GCHFR: variants seen among roughly 807,000 people sequenced by gnomAD.
The protein encoded by GCHFR is GTP cyclohydrolase I feedback regulator.
In GCHFR, 12 loss-of-function variants were observed where a neutral mutation model predicts 10.6. The ratio of observed to expected loss-of-function variants is 1.13; its 90% CI spans 0.72 to 1.83. The LOEUF is 1.83. GCHFR is among the 40% of genes most tolerant of loss of function. GCHFR has a pLI of 0.00. For missense variants in GCHFR, 116 were observed against 110.6 expected (o/e 1.05, Z -0.22); for synonymous variants, 54 against 43.7 (o/e 1.24, Z -0.93).
Position 40,765,829 on chromosome 15 carries a change from G to A in GCHFR, c.39G>A (p.Glu13=). ...AGCCACTGTGGCTTACCTTGCAGGA[G>A]GTGGGCCCCACTATGGTGGGCGATG... ...YLLISTQIRM[E]VGPTMVGDEQ... is the part of the protein sequence containing the mutation. Residue 13 remains glutamate, a splice_region_variant and synonymous_variant, in exon 2 of 3, where the codon GAG becomes GAA. Coordinates refer to ENST00000260447, the MANE Select transcript of GCHFR (RefSeq NM_005258.3). The A allele has an allele frequency of 1.3e-6, 2 of 1,545,536 alleles. No individual in the cohort carries two copies. The highest frequency in any genetic ancestry group is 1.8e-6 in the Non-Finnish European group (2 of 1,133,118).
chr15:40,767,419 C>T lies in GCHFR; in HGVS notation c.*70C>T. 1 of 1,480,768 alleles carries T rather than the reference C, an allele frequency of 6.8e-7. No homozygotes were observed. The highest frequency in any genetic ancestry group is 1.5e-5 in the African/African-American group (1 of 68,440). The allele number at this position is 1,480,768 out of a possible 1,614,324, so 91.7% of individuals were successfully genotyped here. A position where few individuals can be genotyped will look rare whatever the true frequency, so the allele number is the denominator to read the frequency against. ...TGCTGTGGGCCCTGACCTCCAAGCT[C>T]CTGCCTCACCGTCTGCCTTGCTCCT... On this transcript the variant is annotated 3_prime_UTR_variant, in exon 3 of 3. Coordinates refer to ENST00000260447, the MANE Select transcript of GCHFR (RefSeq NM_005258.3).
chr15:40,767,564 C>T lies in GCHFR; in HGVS notation c.*215C>T, dbSNP rs1888978943. ...CCCGGTGCCCTGGTGCTCCCAGCTG[C>T]CCTCCTGCTTCGGGCCTGGGCCGAG... On this transcript the variant is annotated 3_prime_UTR_variant, in exon 3 of 3. Transcript: ENST00000260447. 4.9e-6 allele frequency: 3 copies of T among 615,722 alleles called. No homozygotes were observed. In the South Asian group the frequency reaches 7.1e-5, roughly 15 times the overall value. The allele number at this position is 615,722 out of a possible 1,614,324, so 38.1% of individuals were successfully genotyped here. A position where few individuals can be genotyped will look rare whatever the true frequency, so the allele number is the denominator to read the frequency against.
intron 1 of GCHFR, 93 bp downstream of exon 1, chr15:40,764,309 CGG>C: frequency 8.4e-7 from 1 of 1,189,330 alleles, no homozygotes. Context: ...CTGCACCCAC[CGG>C]GGACTGGACC....
At chr15:40,765,948 T>G in intron 2 of GCHFR, 27 bp downstream of exon 2, 1 of 1,257,300 alleles carries the variant, frequency 8.0e-7, no homozygotes, top group Non-Finnish European at 1.1e-6. Context: ...CTCAGTATCC[T>G]CTCCCTGCCA....
rs559997291 is a variant in GCHFR at position 40,764,176 on chromosome 15, G to A, written c.-5G>A. On this transcript the variant is annotated 5_prime_UTR_variant, in exon 1 of 3. Coordinates refer to ENST00000260447, the MANE Select transcript of GCHFR (RefSeq NM_005258.3). ...CGGTGGGAGCCAGGCCGGGACGCGT[G>A]CACCATGCCCTACCTGCTCATCAGC... 71 of 1,553,414 alleles carry A rather than the reference G, an allele frequency of 4.6e-5. 1 individual carries two copies. The South Asian group carries it at 7.7e-4, about 17-fold the overall frequency.
intron 1 of GCHFR, 44 bp from the exon 2 acceptor site, chr15:40,765,783 C>T (rs760964792): frequency 9.7e-6 from 10 of 1,030,808 alleles, no homozygotes; most frequent in Non-Finnish European, 1.3e-5. Context: ...CCTTCCACCT[C>T]CTCCTGGCAG....
chr15:40,765,963 C>T, intron 2 of GCHFR, 42 bp downstream of exon 2: 2 of 1,024,302 alleles, frequency 2.0e-6, no homozygotes, highest in East Asian at 5.3e-5. Context: ...CTGCCAGCCC[C>T]TAGACCTGCC....
At position 40,767,586 on chromosome 15, in the gene GCHFR, C is replaced by T. The variant is rs1888979432; in HGVS notation, c.*237C>T. ...CTGCCCTCCTGCTTCGGGCCTGGGC[C>T]GAGGGCCTTGTGTAGGCCATGTTCC... On this transcript the variant is annotated 3_prime_UTR_variant, in exon 3 of 3. Transcript: ENST00000260447. The T allele has an allele frequency of 1.7e-6, 1 of 597,310 alleles. No homozygotes were observed. Among genetic ancestry groups the T allele is most frequent in the Non-Finnish European group, 2.8e-6 (1 of 357,356 alleles). 37.0% of individuals were successfully genotyped at this position (597,310 alleles called of 1,614,324 possible).
intron 1 of GCHFR, chr15:40,765,052 C>G (rs781030722): frequency 1.3e-5 from 2 of 152,244 alleles, no homozygotes; most frequent in Non-Finnish European, 1.5e-5. Context: ...AAGCAGCCAT[C>G]TGCTCAGCTG....
At chr15:40,765,953 C>T (rs770328246) in intron 2 of GCHFR, 32 bp downstream of exon 2, 2 of 1,181,056 alleles carry the variant, frequency 1.7e-6, no homozygotes, top group Non-Finnish European at 2.5e-6. Context: ...TATCCTCTCC[C>T]TGCCAGCCCC....
intron 2 of GCHFR, 46 bp downstream of exon 2, chr15:40,765,967 A>G (rs1195534151): frequency 1.0e-6 from 1 of 989,460 alleles, no homozygotes; most frequent in East Asian, 2.7e-5. Context: ...CAGCCCCTAG[A>G]CCTGCCTCTG....
At chr15:40,767,200 ACC>A in intron 2 of GCHFR, 24 bp from the exon 3 acceptor site, 1 of 1,457,628 alleles carries the variant, frequency 6.9e-7, no homozygotes, top group Non-Finnish European at 9.1e-7. Context: ...GCCCCTCCTC[ACC>A]CCCCCCATCC....
intron 1 of GCHFR, chr15:40,765,015 T>C (rs1004682172): frequency 6.6e-6 from 1 of 152,202 alleles, no homozygotes; most frequent in Non-Finnish European, 1.5e-5. Context: ...CAGAGAGCTC[T>C]TGCAGAGCCC....
At chr15:40,764,308 C>G in intron 1 of GCHFR, 92 bp downstream of exon 1, 1 of 1,197,868 alleles carries the variant, frequency 8.3e-7, no homozygotes, top group Non-Finnish European at 1.1e-6. Flanking sequence ...GCTGCACCCA[C>G]CGGGGACTGG....
At position 40,764,261 on chromosome 15, in the gene GCHFR, A is replaced by G. The variant is rs375571189; in HGVS notation, c.36+45A>G. 1.9e-4 allele frequency: 289 copies of G among 1,518,590 alleles called. No individual in the cohort carries two copies. In the African/African-American group the frequency reaches 2.0e-3, roughly 11 times the overall value. The allele number at this position is 1,518,590 out of a possible 1,614,324, so 94.1% of individuals were successfully genotyped here. ...CGACTTGGAGCCGGGACCAGGCCCT[A>G]GGGGGCTGCGACTGCACCTTCATGC... On this transcript the variant is annotated intron_variant, in intron 1 of 2. Transcript: ENST00000260447.
chr15:40,767,278 C>G lies in GCHFR; in HGVS notation c.184C>G (p.Arg62Gly), dbSNP rs754558236. The stretch of plus-strand genomic sequence containing the variant: ...CCGCATAGTCCTGGACAAGCTGGAA[C>G]GCAGGGGCTTCCGTGTGCTGAGCAT... ...PPRIVLDKLE[R>G]RGFRVLSMTG... The change falls in exon 3 of 3, where the codon CGC (arginine) becomes GGC (glycine). Residue 62 changes from arginine to glycine, a missense_variant. Arg to Gly is a moderately radical substitution (Grantham distance 125). Transcript: ENST00000260447. 11 of 1,604,510 alleles carry G rather than the reference C, an allele frequency of 6.9e-6. No homozygotes were observed. The highest frequency in any genetic ancestry group is 7.7e-6 in the Non-Finnish European group (9 of 1,175,692).
chr15:40,764,849 T>C (rs1485765214), intron 1 of GCHFR, among the ~76,000 whole-genome samples: 1 of 152,192 alleles, frequency 6.6e-6, no homozygotes, highest in Non-Finnish European at 1.5e-5. Context: ...CGCAGTTTCC[T>C]TATCTGTAAA....
At chr15:40,766,785 A>AT (rs1472810900) in intron 2 of GCHFR, 203 of 152,466 alleles carry the variant, frequency 1.3e-3, no homozygotes, top group African/African-American at 4.2e-3. Flanking sequence ...CTGGAGGCTT[A>AT]TTTTTTTTTG....
rs1888974148 is a variant in GCHFR, at chr15:40,767,379, C to T, written c.*30C>T. ...CTCATGCTGATTTGCAGACGGGGCA[C>T]CCCTGTGGAGGGGCTGCTGTGGGCC... On this transcript the variant is annotated 3_prime_UTR_variant, in exon 3 of 3. Coordinates refer to ENST00000260447, the MANE Select transcript of GCHFR (RefSeq NM_005258.3). 6.3e-7 allele frequency: 1 copy of T among 1,580,846 alleles called. No homozygotes were observed.
Sources: allele counts gnomAD v4.1 joint callset (sites outside exome capture counted in the v4.1 genomes callset), GRCh38; gene constraint gnomAD v4.1.1; transcripts MANE v1.5; gene names NCBI Gene and HGNC (gene_info 2026-07-23, HGNC 2026-07-21).